The following CHSY1 variants were observed in gnomAD, a reference collection of about 807,000 sequenced individuals.
CHSY1 encodes the protein N-acetylgalactosaminyl-proteoglycan 3-beta-glucuronosyltransferase 1.
Under a neutral mutation model 59.8 loss-of-function variants are expected in CHSY1, and 13 were observed. The observed-to-expected ratio is 0.22, with a 90% CI of 0.14 to 0.35. The LOEUF is 0.35. Among genes scored for constraint, CHSY1 ranks in the 10% least tolerant of loss-of-function variants. The pLI is 1.00. For synonymous variants in CHSY1, 459 were observed against 401.2 expected (o/e 1.14, Z -1.72); for missense variants, 947 against 1,030.6 (o/e 0.92, Z 1.11).
Position 101,251,532 on chromosome 15 carries a change from GC to G in CHSY1, c.-77del. On this transcript the variant is annotated 5_prime_UTR_variant, in exon 1 of 3. Transcript: ENST00000254190. ...CAGCCCGCTGCCCCCGCCCGCGGAG[GC>G]CAGCCCGCCCTAGCGCCGCGAGGCC... 1 of 233,778 alleles carries G rather than the reference GC, an allele frequency of 4.3e-6. No individual in the cohort carries two copies. Among genetic ancestry groups the G allele is most frequent in the Non-Finnish European group, 6.3e-6 (1 of 158,020 alleles). The allele number at this position is 233,778 out of a possible 1,614,324, so 14.5% of individuals were successfully genotyped here.
intron 2 of CHSY1, among the ~76,000 whole-genome samples, chr15:101,203,331 G>C (rs1334200206): frequency 6.6e-6 from 1 of 152,210 alleles, no homozygotes; most frequent in Non-Finnish European, 1.5e-5. Context: ...CAGGAGGATA[G>C]AGGAAAAGAG....
intron 2 of CHSY1, among the ~76,000 whole-genome samples, chr15:101,225,425 T>C (rs1302818285): frequency 1.3e-5 from 2 of 152,200 alleles, no homozygotes; most frequent in East Asian, 3.8e-4. Flanking sequence ...ACCGTTGATA[T>C]AGTTTGGATA....
chr15:101,219,484 A>G (rs2038767833), intron 2 of CHSY1, among the ~76,000 whole-genome samples: 1 of 152,230 alleles, frequency 6.6e-6, no homozygotes, highest in African/African-American at 2.4e-5. Flanking sequence ...TTTTAAAAAT[A>G]AACAAATCAT....
intron 2 of CHSY1, among the ~76,000 whole-genome samples, chr15:101,192,254 G>A (rs984234068): frequency 1.3e-5 from 2 of 152,150 alleles, no homozygotes; most frequent in Non-Finnish European, 2.9e-5. Flanking sequence ...ACTGTATCTC[G>A]TTTACAGGTA....
chr15:101,233,273 C>T (rs1260631596), intron 2 of CHSY1, among the ~76,000 whole-genome samples: 6 of 152,212 alleles, frequency 3.9e-5, no homozygotes, highest in African/African-American at 1.4e-4. Flanking sequence ...CTTGATCAAA[C>T]TCAAGAGACT....
chr15:101,205,909 G>A (rs983648695), intron 2 of CHSY1, among the ~76,000 whole-genome samples: 18 of 151,624 alleles, frequency 1.2e-4, no homozygotes, highest in African/African-American at 3.1e-4. Context: ...CCGAGATAGC[G>A]CCACTACACT....
At chr15:101,237,465 A>G (rs1488204826) in intron 1 of CHSY1, among the ~76,000 whole-genome samples, 5 of 152,222 alleles carry the variant, frequency 3.3e-5, no homozygotes, top group Non-Finnish European at 7.3e-5. Flanking sequence ...ACCCGGGTTT[A>G]AGAGACAACG....
intron 1 of CHSY1, among the ~76,000 whole-genome samples, chr15:101,241,919 C>T (rs2039006649): frequency 1.3e-5 from 2 of 152,200 alleles, no homozygotes; most frequent in Admixed American, 6.5e-5. Flanking sequence ...GCAGTATTTG[C>T]TTAAACCTTC....
At chr15:101,225,547 G>A (rs1198153729) in intron 2 of CHSY1, among the ~76,000 whole-genome samples, 1 of 152,008 alleles carries the variant, frequency 6.6e-6, no homozygotes, top group African/African-American at 2.4e-5. Flanking sequence ...TTTATCTGTG[G>A]TGCTGTCCTC....
intron 2 of CHSY1, among the ~76,000 whole-genome samples, chr15:101,219,675 C>A (rs114935724): frequency 0.011 from 1,719 of 152,292 alleles, 34 homozygotes; most frequent in African/African-American, 0.039. Context: ...TGATTTTTTT[C>A]AAGTACTGTC....
At chr15:101,204,604 G>A (rs2141256207) in intron 2 of CHSY1, among the ~76,000 whole-genome samples, 1 of 150,756 alleles carries the variant, frequency 6.6e-6, no homozygotes, top group East Asian at 2.0e-4. Flanking sequence ...AAAAAACAGT[G>A]GTTAAAAATG....
chr15:101,211,449 A>G (rs1344852606), intron 2 of CHSY1, among the ~76,000 whole-genome samples: 2 of 152,228 alleles, frequency 1.3e-5, no homozygotes, highest in African/African-American at 2.4e-5. Context: ...AATACTGAAA[A>G]TAACATAAAA....
intron 2 of CHSY1, among the ~76,000 whole-genome samples, chr15:101,185,212 C>T (rs1174935002): frequency 6.6e-6 from 1 of 152,220 alleles, no homozygotes; most frequent in African/African-American, 2.4e-5. Flanking sequence ...GTCTTTAGAG[C>T]TCTTTAAGAA....
chr15:101,187,653 A>C (rs1004529234), intron 2 of CHSY1: 1 of 152,226 alleles, frequency 6.6e-6, no homozygotes, highest in Non-Finnish European at 1.5e-5. Flanking sequence ...AAGAAAACAC[A>C]ACTCAATCTA....
intron 2 of CHSY1, chr15:101,188,209 AC>A (rs1187576685): frequency 9.1e-6 from 9 of 985,264 alleles, no homozygotes; most frequent in Non-Finnish European, 1.1e-5. Flanking sequence ...TGGTTTTCTC[AC>A]CCTTTTGTCC....
chr15:101,194,050 G>T (rs926527998), intron 2 of CHSY1, among the ~76,000 whole-genome samples: 4 of 152,208 alleles, frequency 2.6e-5, no homozygotes, highest in African/African-American at 4.8e-5. Flanking sequence ...AGGGCAAAGT[G>T]GGATCCAAAG....
intron 2 of CHSY1, among the ~76,000 whole-genome samples, chr15:101,230,167 C>A (rs192857246): frequency 4.6e-5 from 7 of 152,148 alleles, no homozygotes; most frequent in African/African-American, 1.7e-4. Flanking sequence ...GTCTTGAACT[C>A]CTGACCTCAG....
At chr15:101,218,274 T>C (rs189101731) in intron 2 of CHSY1, among the ~76,000 whole-genome samples, 4 of 152,334 alleles carry the variant, frequency 2.6e-5, no homozygotes, top group Admixed American at 2.0e-4. Flanking sequence ...AAAGTATAGA[T>C]TTTTATCTTT....
intron 2 of CHSY1, among the ~76,000 whole-genome samples, chr15:101,215,492 GA>G (rs752961715): frequency 3.7e-4 from 57 of 152,296 alleles, no homozygotes; most frequent in Non-Finnish European, 6.9e-4. Flanking sequence ...CCCAGCATCT[GA>G]GGAGGCCAAT....
Sources: allele counts gnomAD v4.1 joint callset (sites outside exome capture counted in the v4.1 genomes callset), GRCh38; gene constraint gnomAD v4.1.1; transcripts MANE v1.5; gene names NCBI Gene and HGNC (gene_info 2026-07-23, HGNC 2026-07-21).